The following VPS54 variants were observed in gnomAD, a reference collection of about 807,000 sequenced individuals.
VPS54 encodes VPS54 subunit of GARP complex.
A neutral mutation model predicts 121.5 loss-of-function variants in VPS54; 45 were observed. That is an observed-to-expected ratio of 0.37 (90% CI 0.29 to 0.47). The LOEUF (loss-of-function observed/expected upper bound fraction) is 0.47. Among genes scored for constraint, VPS54 ranks in the 20% least tolerant of loss-of-function variants. The pLI is 0.99. For synonymous variants in VPS54, 371 were observed against 385.8 expected, an observed-to-expected ratio of 0.96 and a Z score of 0.45; for missense variants, 1,090 against 1,131.4, an observed-to-expected ratio of 0.96 and a Z score of 0.52.
intron 20 of VPS54, among the ~76,000 whole-genome samples, chr2:63,906,592 G>T (rs967395693): frequency 3.3e-5 from 5 of 152,170 alleles, no homozygotes; most frequent in Non-Finnish European, 7.3e-5. Context: ...CTGGTTTGTA[G>T]TATTTGTTAA....
Position 64,019,008 on chromosome 2 carries a change from C to T in VPS54, c.-91G>A, listed in dbSNP as rs908397585. On this transcript the variant is annotated 5_prime_UTR_variant, in exon 1 of 23. Coordinates refer to ENST00000272322, the MANE Select transcript of VPS54 (RefSeq NM_016516.3). ...CCGCCGCCTCCAGCCCTCCACGTCG[C>T]ACCGAGGCTGCTGCTCCACGGCCGC... 2.6e-5 allele frequency: 4 copies of T among 151,254 alleles called. No homozygotes were observed. The highest frequency in any genetic ancestry group is 9.7e-5 in the African/African-American group (4 of 41,156). The allele number at this position is 151,254 out of a possible 1,614,324, so 9.4% of individuals were successfully genotyped here. A position where few individuals can be genotyped will look rare whatever the true frequency, so the allele number is the denominator to read the frequency against.
At position 63,920,014 on chromosome 2, in the gene VPS54, A is replaced by G; in HGVS notation, c.2052-19T>C. The G allele has an allele frequency of 1.3e-6, 2 of 1,585,380 alleles. No homozygotes were observed. Among genetic ancestry groups the G allele is most frequent in the Admixed American group, 1.8e-5 (1 of 56,218 alleles). On this transcript the variant is annotated intron_variant, in intron 14 of 22. Transcript: ENST00000272322. ...GAGGAGGCTAGTCCACAGTAAGGAG[A>G]AAAGAAGGTAAACTTTAACATTTCA...
intron 1 of VPS54, among the ~76,000 whole-genome samples, chr2:64,012,347 T>C (rs1678467212): frequency 6.6e-6 from 1 of 151,934 alleles, no homozygotes; most frequent in Non-Finnish European, 1.5e-5. Context: ...CTTATTTATC[T>C]TGAAACACTT....
In VPS54 at chr2:63,892,207, G is replaced by A. The variant is rs1416511546; in HGVS notation, c.*1223C>T. On this transcript the variant is annotated 3_prime_UTR_variant, in exon 23 of 23. Coordinates refer to ENST00000272322, the MANE Select transcript of VPS54 (RefSeq NM_016516.3). The stretch of plus-strand genomic sequence containing the variant: ...GTTTAAGAACCAAAGACATACCTCT[G>A]TAATGATAAAGGAAAGAAAACAAGC... The A allele has an allele frequency of 6.6e-6, 1 of 152,044 alleles. No individual in the cohort carries two copies. Among genetic ancestry groups the A allele is most frequent in the Non-Finnish European group, 1.5e-5 (1 of 68,018 alleles). The allele number at this position is 152,044 out of a possible 1,614,324, so 9.4% of individuals were successfully genotyped here.
At chr2:64,017,464 C>G (rs1238500989) in intron 1 of VPS54, among the ~76,000 whole-genome samples, 1 of 152,000 alleles carries the variant, frequency 6.6e-6, no homozygotes, top group African/African-American at 2.4e-5. Context: ...ATCCAGAAAT[C>G]AATTTTAACT....
rs776252599 is a variant in VPS54, at chr2:63,913,259, C to T, written c.2386G>A (p.Val796Ile). The T allele has an allele frequency of 6.2e-7, 1 of 1,611,146 alleles. No homozygotes were observed. The highest frequency in any genetic ancestry group is 1.1e-5 in the South Asian group (1 of 90,588). The change falls in exon 18 of 23, where the codon GTT becomes ATT. Residue 796 changes from valine (V) to isoleucine (I), a missense_variant. Transcript: ENST00000272322. ...GTAGTTATCGTTTTTAGTCCAACAA[C>T]TTGCAGTGCACCAGCTCCAAGAACT... ...QLVLGAGALQ[V>I]VGLKTITTKN...
chr2:64,006,935 A>T (rs1390949656), intron 1 of VPS54, among the ~76,000 whole-genome samples: 1 of 152,190 alleles, frequency 6.6e-6, no homozygotes, highest in African/African-American at 2.4e-5. Flanking sequence ...TTACTTTTTA[A>T]ATGGTCAGCA....
At chr2:63,956,537 CAG>C (rs1489890911) in intron 7 of VPS54, among the ~76,000 whole-genome samples, 4 of 152,092 alleles carry the variant, frequency 2.6e-5, no homozygotes, top group Admixed American at 2.6e-4. Context: ...TATTGATGTT[CAG>C]AGTGATCTAT....
intron 12 of VPS54, among the ~76,000 whole-genome samples, chr2:63,932,514 A>C (rs886067962): frequency 6.6e-6 from 1 of 152,034 alleles, no homozygotes; most frequent in African/African-American, 2.4e-5. Flanking sequence ...TGAAGGGTGG[A>C]GGGCTAGGGG....
chr2:64,003,376 G>T (rs757184328), intron 1 of VPS54, among the ~76,000 whole-genome samples: 5 of 152,076 alleles, frequency 3.3e-5, no homozygotes, highest in Non-Finnish European at 5.9e-5. Flanking sequence ...TGAATACTAT[G>T]TTCAAATATT....
At chr2:63,949,253 T>A in intron 7 of VPS54, 90 bp from the exon 8 acceptor site, 1 of 1,323,768 alleles carries the variant, frequency 7.6e-7, no homozygotes, top group African/African-American at 1.5e-5. Flanking sequence ...TAAAACTTTT[T>A]CAGTTGACAG....
chr2:63,930,722 T>C (rs760658808), intron 12 of VPS54, among the ~76,000 whole-genome samples: 1 of 152,200 alleles, frequency 6.6e-6, no homozygotes, highest in Non-Finnish European at 1.5e-5. Flanking sequence ...GGAAGTCAAA[T>C]TGTCTCTGTT....
intron 22 of VPS54, among the ~76,000 whole-genome samples, chr2:63,894,701 CAAAA>C (rs34352542): frequency 8.8e-6 from 1 of 114,134 alleles, no homozygotes; most frequent in Non-Finnish European, 1.8e-5. Context: ...ACCCTGTCTC[CAAAA>C]AAAAAAAAAA....
At chr2:63,995,693 G>A (rs1402765407) in intron 1 of VPS54, among the ~76,000 whole-genome samples, 1 of 152,238 alleles carries the variant, frequency 6.6e-6, no homozygotes, top group Non-Finnish European at 1.5e-5. Context: ...TTGGCTTGGA[G>A]ATCGGGTAGT....
At chr2:63,908,097 C>T (rs1672982059) in intron 20 of VPS54, among the ~76,000 whole-genome samples, 1 of 152,054 alleles carries the variant, frequency 6.6e-6, no homozygotes, top group African/African-American at 2.4e-5. Context: ...AAACACATAC[C>T]TACACAAAGA....
chr2:63,946,728 A>C (rs1674996484), intron 9 of VPS54, among the ~76,000 whole-genome samples: 1 of 152,124 alleles, frequency 6.6e-6, no homozygotes, highest in Admixed American at 6.5e-5. Context: ...GGAATACTGA[A>C]AAACACATGG....
intron 1 of VPS54, among the ~76,000 whole-genome samples, chr2:64,013,085 T>C (rs561345576): frequency 6.6e-6 from 1 of 152,344 alleles, no homozygotes; most frequent in African/African-American, 2.4e-5. Flanking sequence ...ATAGGATATT[T>C]ACATGGCTAT....
rs558346255 is a variant in VPS54, at chr2:63,931,586, T to C, written c.1739+2087A>G. On this transcript the variant is annotated intron_variant, in intron 12 of 22. Transcript: ENST00000272322. Reference sequence around the variant, plus strand: ...AACCTGGGCAATACCATTCAGGACATAGGCATGGGCAAAGACTTCATGTCT... The same window carrying C: ...AACCTGGGCAATACCATTCAGGACACAGGCATGGGCAAAGACTTCATGTCT... Among the ~76,000 whole-genome samples, 99 of 152,288 alleles carry C rather than the reference T, an allele frequency of 6.5e-4. 1 individual carries two copies. The highest frequency in any genetic ancestry group is 3.9e-3 in the Admixed American group (59 of 15,292).
chr2:63,997,593 TG>T (rs1271535686), intron 1 of VPS54, among the ~76,000 whole-genome samples: 22 of 152,046 alleles, frequency 1.4e-4, no homozygotes, highest in African/African-American at 5.3e-4. Context: ...TTTCTTAGTC[TG>T]GCAAAAGATG....
Sources: allele counts gnomAD v4.1 joint callset (sites outside exome capture counted in the v4.1 genomes callset), GRCh38; gene constraint gnomAD v4.1.1; transcripts MANE v1.5; gene names NCBI Gene and HGNC (gene_info 2026-07-23, HGNC 2026-07-21).